The following CHLSN variants were observed in gnomAD, a reference collection of about 807,000 sequenced individuals.
CHLSN encodes protein cholesin.
chr7:1,115,192 T>A, the CHLSN span, among the ~76,000 whole-genome samples: 1 of 152,254 alleles, frequency 6.6e-6, no homozygotes, highest in African/African-American at 2.4e-5. Context: ...TGCTGTTTTT[T>A]AGGAGTGTTT....
the CHLSN span, among the ~76,000 whole-genome samples, chr7:1,087,445 C>T: frequency 1.3e-5 from 2 of 152,252 alleles, no homozygotes; most frequent in Admixed American, 6.5e-5. Flanking sequence ...GTGTTTCATA[C>T]ACACCTTATA....
At chr7:1,092,638 C>T in the CHLSN span, 6 of 1,612,666 alleles carry the variant, frequency 3.7e-6, no homozygotes, top group African/African-American at 1.3e-5. Flanking sequence ...TGCCCACCCC[C>T]TCACGGGCCA....
chr7:993,449 C>CG, the CHLSN span, among the ~76,000 whole-genome samples: 31 of 152,260 alleles, frequency 2.0e-4, no homozygotes, highest in East Asian at 5.4e-3. Context: ...CGGACAGCGC[C>CG]GGCCCGGGCT....
chr7:1,027,401 G>A, the CHLSN span, among the ~76,000 whole-genome samples: 1 of 152,252 alleles, frequency 6.6e-6, no homozygotes, highest in African/African-American at 2.4e-5. Context: ...CCGGCTGTGC[G>A]CGCAGCAGCT....
At chr7:1,040,690 CA>C in the CHLSN span, among the ~76,000 whole-genome samples, 70,642 of 145,326 alleles carry the variant, frequency 0.49, 17,375 homozygotes, top group East Asian at 0.77. Context: ...TTAAAAAGAA[CA>C]AAAAAAAAAA....
the CHLSN span, among the ~76,000 whole-genome samples, chr7:1,113,254 A>G: frequency 2.0e-5 from 3 of 152,030 alleles, no homozygotes; most frequent in African/African-American, 7.3e-5. Flanking sequence ...TATTTTAAAC[A>G]TAAACTTGCT....
At chr7:1,132,490 C>G in the CHLSN span, among the ~76,000 whole-genome samples, 1 of 152,106 alleles carries the variant, frequency 6.6e-6, no homozygotes, top group Non-Finnish European at 1.5e-5. Flanking sequence ...CCCAGGAGTT[C>G]AAGACCAGCC....
At chr7:1,114,036 C>G in the CHLSN span, among the ~76,000 whole-genome samples, 2 of 152,252 alleles carry the variant, frequency 1.3e-5, no homozygotes, top group African/African-American at 4.8e-5. Flanking sequence ...TTGTTGCTCA[C>G]TGATGCCCTA....
chr7:1,059,456 A>G, the CHLSN span, among the ~76,000 whole-genome samples: 78,955 of 151,230 alleles, frequency 0.52, 20,840 homozygotes, highest in Middle Eastern at 0.57. Flanking sequence ...GTTCCACTTG[A>G]GCGAACAGGT....
At chr7:1,134,426 T>C in the CHLSN span, among the ~76,000 whole-genome samples, 1 of 150,846 alleles carries the variant, frequency 6.6e-6, no homozygotes, top group Non-Finnish European at 1.5e-5. Flanking sequence ...ATACAAAAAT[T>C]AGCCAGGTGT....
chr7:1,015,708 G>A, the CHLSN span, among the ~76,000 whole-genome samples: 2 of 152,318 alleles, frequency 1.3e-5, no homozygotes, highest in South Asian at 4.1e-4. Context: ...GGGCCAGAGG[G>A]ACTGAAGCTG....
chr7:1,062,841 G>A, the CHLSN span, among the ~76,000 whole-genome samples: 1 of 152,172 alleles, frequency 6.6e-6, no homozygotes, highest in African/African-American at 2.4e-5. Context: ...ATCTAGGCAG[G>A]AAGCATAACG....
chr7:1,016,765 A>ACAC, the CHLSN span, among the ~76,000 whole-genome samples: 2 of 77,072 alleles, frequency 2.6e-5, no homozygotes, highest in South Asian at 3.8e-4. Context: ...ACGCCAGCGC[A>ACAC]CAGCGCACAG....
chr7:1,109,956 C>T, the CHLSN span, among the ~76,000 whole-genome samples: 2 of 152,216 alleles, frequency 1.3e-5, no homozygotes, highest in African/African-American at 4.8e-5. Flanking sequence ...AGCGCAGCCT[C>T]GCCGGGCCGT....
the CHLSN span, chr7:996,876 A>G: frequency 0.38 from 58,581 of 152,224 alleles, 12,198 homozygotes; most frequent in African/African-American, 0.56. Context: ...CGCCACACAC[A>G]GAGCGCCCCC....
At chr7:1,093,668 C>T in the CHLSN span, 1 of 470,692 alleles carries the variant, frequency 2.1e-6, no homozygotes, top group Non-Finnish European at 4.4e-6. Flanking sequence ...TACTCCAGCA[C>T]CTGTGGCTGA....
At chr7:987,263 G>A in the CHLSN span, 8,230 of 1,506,130 alleles carry the variant, frequency 5.5e-3, 249 homozygotes, top group African/African-American at 0.077. Flanking sequence ...CCCGGCGCCT[G>A]GCGAGACGGC....
chr7:978,215 C>T, the CHLSN span, among the ~76,000 whole-genome samples: 33 of 152,118 alleles, frequency 2.2e-4, no homozygotes, highest in South Asian at 2.9e-3. Flanking sequence ...AGCAGTTCAC[C>T]GGTGTAAAAA....
At chr7:1,058,125 C>T in the CHLSN span, 2 of 755,196 alleles carry the variant, frequency 2.6e-6, no homozygotes, top group Non-Finnish European at 4.9e-6. Flanking sequence ...ACTGGCCACC[C>T]TCTACGCGCT....
Sources: allele counts gnomAD v4.1 joint callset (sites outside exome capture counted in the v4.1 genomes callset), GRCh38; gene constraint gnomAD v4.1.1; transcripts MANE v1.5; gene names NCBI Gene and HGNC (gene_info 2026-07-23, HGNC 2026-07-21).